The following PHKA1 variants were observed in gnomAD, a reference collection of about 807,000 sequenced individuals.
PHKA1 encodes the protein phosphorylase b kinase regulatory subunit alpha, skeletal muscle isoform.
A neutral mutation model predicts 110.2 loss-of-function variants in PHKA1; 60 were observed. The ratio of observed to expected loss-of-function variants is 0.54; its 90% CI spans 0.44 to 0.68. The LOEUF (loss-of-function observed/expected upper bound fraction) is 0.68, where lower values mean the gene tolerates loss of function less well. Among genes scored for constraint, PHKA1 ranks in the 30% least tolerant of loss-of-function variants. The pLI is 0.00. For synonymous variants in PHKA1, 316 were observed against 333.6 expected (o/e 0.95, Z 0.58); for missense variants, 801 against 942.5 (o/e 0.85, Z 1.97).
chrX:72,698,664 T>C (rs1035527493), intron 3 of PHKA1, among the ~76,000 whole-genome samples: 1 of 112,736 alleles, frequency 8.9e-6, no homozygotes, highest in Admixed American at 9.4e-5. Flanking sequence ...TTGAATTTAG[T>C]AATATTACCG....
chrX:72,587,569 A>C (rs2052451616), intron 29 of PHKA1, among the ~76,000 whole-genome samples: 2 of 111,750 alleles, frequency 1.8e-5, no homozygotes, highest in Admixed American at 9.5e-5. Flanking sequence ...ACAGGATCAA[A>C]TTTACACATA....
chrX:72,660,984 A>T (rs1232521726), intron 8 of PHKA1, among the ~76,000 whole-genome samples: 1 of 112,393 alleles, frequency 8.9e-6, no homozygotes, highest in Non-Finnish European at 1.9e-5. Flanking sequence ...AAAAATGCAG[A>T]ACCATTTGGG....
At chrX:72,685,744 C>T (rs1460238897) in intron 4 of PHKA1, among the ~76,000 whole-genome samples, 18 of 112,084 alleles carry the variant, frequency 1.6e-4, no homozygotes, top group Admixed American at 6.6e-4. Context: ...ATTTAAAAAT[C>T]AGGAAGCTAA....
Position 72,581,005 on chromosome X carries a change from T to C in PHKA1, c.3669A>G (p.Gln1223=), listed in dbSNP as rs782257959. The C allele has an allele frequency of 7.4e-6, 9 of 1,210,291 alleles. No homozygotes were observed. In the East Asian group the frequency reaches 1.5e-4, roughly 20 times the overall value. Residue 1223 remains glutamine (Q), a synonymous_variant, in exon 32 of 32, where the codon CAA becomes CAG. Coordinates refer to ENST00000373542, the MANE Select transcript of PHKA1 (RefSeq NM_002637.4). ...EFLPHSICAM[Q] is the part of the protein sequence containing the mutation. ...CAGAAGCCAGGAACCAAAGCCCTCA[T>C]TGCATGGCACAGATGCTGTGGGGCA... is the stretch of plus-strand genomic sequence containing the variant.
intron 26 of PHKA1, among the ~76,000 whole-genome samples, chrX:72,602,663 C>T (rs369327634): frequency 1.8e-5 from 2 of 111,931 alleles, no homozygotes; most frequent in Non-Finnish European, 3.8e-5. Flanking sequence ...GCTTTAGGTA[C>T]GCAATGCCAA....
intron 14 of PHKA1, among the ~76,000 whole-genome samples, chrX:72,641,569 GT>G: frequency 9.0e-6 from 1 of 111,245 alleles, no homozygotes; most frequent in East Asian, 2.8e-4. Context: ...AATATTTTAA[GT>G]TCTTACTTTC....
At chrX:72,657,132 A>T (rs868975402) in intron 9 of PHKA1, among the ~76,000 whole-genome samples, 1 of 112,173 alleles carries the variant, frequency 8.9e-6, no homozygotes, top group Non-Finnish European at 1.9e-5. Flanking sequence ...CTAGTTGAAT[A>T]AAGGGAACGT....
At chrX:72,606,016 AGG>A (rs1223039759) in intron 23 of PHKA1, among the ~76,000 whole-genome samples, 1 of 112,402 alleles carries the variant, frequency 8.9e-6, no homozygotes, top group Non-Finnish European at 1.9e-5. Context: ...ACATATTTAC[AGG>A]GTACATGTGA....
chrX:72,645,481 G>C (rs1156565901), intron 13 of PHKA1, among the ~76,000 whole-genome samples: 1 of 112,070 alleles, frequency 8.9e-6, no homozygotes, highest in African/African-American at 3.2e-5. Flanking sequence ...GGCTGCTGTT[G>C]TCTGGGCCAG....
At chrX:72,664,923 C>T (rs1226979395) in intron 8 of PHKA1, among the ~76,000 whole-genome samples, 5 of 110,561 alleles carry the variant, frequency 4.5e-5, no homozygotes, top group Admixed American at 1.9e-4. Context: ...AAAAGCAGTA[C>T]TAAGAAGGAA....
chrX:72,624,806 C>T (rs2053031978), intron 17 of PHKA1, among the ~76,000 whole-genome samples: 2 of 111,770 alleles, frequency 1.8e-5, no homozygotes, highest in Admixed American at 1.9e-4. Context: ...GTATTCCTGC[C>T]AAAAACATGT....
chrX:72,631,837 T>G (rs1289742417), intron 16 of PHKA1, among the ~76,000 whole-genome samples: 1 of 111,525 alleles, frequency 9.0e-6, no homozygotes, highest in African/African-American at 3.3e-5. Context: ...TATGCCATCT[T>G]GTCTCAAAAC....
chrX:72,593,289 G>A lies in PHKA1; in HGVS notation c.3073-15C>T, dbSNP rs1556228674. On this transcript the variant is annotated splice_polypyrimidine_tract_variant and intron_variant, in intron 28 of 31. Transcript: ENST00000373542. ...GTTCCAGGTGACTTGGAAGAGGAGA[G>A]GAAAGAACATAAATCAAAAGTTATC... The A allele has an allele frequency of 1.7e-6, 2 of 1,169,133 alleles. No homozygotes were observed. The highest frequency in any genetic ancestry group is 5.9e-5 in the East Asian group (2 of 33,614).
intron 23 of PHKA1, among the ~76,000 whole-genome samples, chrX:72,607,270 T>C: frequency 8.9e-6 from 1 of 111,847 alleles, no homozygotes; most frequent in Non-Finnish European, 1.9e-5. Context: ...ATGGCAGCTC[T>C]ATTTTTAGCT....
chrX:72,686,276 T>C (rs2053966328), intron 4 of PHKA1, among the ~76,000 whole-genome samples: 1 of 112,071 alleles, frequency 8.9e-6, no homozygotes, highest in Admixed American at 9.5e-5. Flanking sequence ...GTCTTCCTCC[T>C]ACCCAGAACC....
intron 11 of PHKA1, among the ~76,000 whole-genome samples, chrX:72,653,217 C>T (rs1229480420): frequency 8.9e-6 from 1 of 111,860 alleles, no homozygotes. Context: ...AAGGTTTGGT[C>T]TTGTCCTTGT....
intron 20 of PHKA1, 52 bp downstream of exon 20, chrX:72,619,162 A>C (rs1221731291): frequency 2.7e-6 from 2 of 749,712 alleles, no homozygotes; most frequent in African/African-American, 4.1e-5. Context: ...ATTTCCCATA[A>C]AGATGGCAGT....
Position 72,623,416 on chromosome X carries a change from T to C in PHKA1, c.1794-141A>G, listed in dbSNP as rs369926461. ...TACATTAATATAAATTTTATAAAAA[T>C]AAAATTTTACAGCACTCCTAGGCAT... On this transcript the variant is annotated intron_variant, in intron 17 of 31. Coordinates refer to ENST00000373542, the MANE Select transcript of PHKA1 (RefSeq NM_002637.4). 5.3e-4 allele frequency: 249 copies of C among 470,820 alleles called. 2 individuals carry two copies. The South Asian group carries it at 7.5e-3, about 14-fold the overall frequency. 38.8% of individuals were successfully genotyped at this position (470,820 alleles called of 1,213,427 possible). A position where few individuals can be genotyped will look rare whatever the true frequency, so the allele number is the denominator to read the frequency against.
At chrX:72,707,630 CGTGTGTGT>C (rs61504690) in intron 2 of PHKA1, among the ~76,000 whole-genome samples, 1,246 of 93,636 alleles carry the variant, frequency 0.013, 17 homozygotes, top group African/African-American at 0.046. Context: ...ATCAAAAAAT[CGTGTGTGT>C]GTGTGTGTGT....
Sources: allele counts gnomAD v4.1 joint callset (sites outside exome capture counted in the v4.1 genomes callset), GRCh38; gene constraint gnomAD v4.1.1; transcripts MANE v1.5; gene names NCBI Gene and HGNC (gene_info 2026-07-23, HGNC 2026-07-21).